Variants in CTNNA2 observed in about 807,000 individuals in gnomAD.
The protein encoded by CTNNA2 is catenin alpha 2.
CTNNA2 carries 42 observed loss-of-function variants against 101.0 expected under a neutral mutation model. The ratio of observed to expected loss-of-function variants is 0.42; its 90% CI spans 0.32 to 0.54. The LOEUF is 0.54. CTNNA2 is among the 20% of genes least tolerant of loss of function. CTNNA2 has a pLI of 0.14. For synonymous variants in CTNNA2, 450 were observed against 456.4 expected (o/e 0.99, Z 0.18); for missense variants, 871 against 1,223.1 (o/e 0.71, Z 4.29).
intron 9 of CTNNA2, among the ~76,000 whole-genome samples, chr2:80,451,279 C>T (rs746738343): frequency 8.5e-5 from 13 of 152,120 alleles, no homozygotes; most frequent in Non-Finnish European, 1.8e-4. Flanking sequence ...TCATGCCATT[C>T]TCATGATAGT....
At chr2:80,047,998 CA>C (rs1294403623) in intron 7 of CTNNA2, among the ~76,000 whole-genome samples, 1 of 152,082 alleles carries the variant, frequency 6.6e-6, no homozygotes, top group Non-Finnish European at 1.5e-5. Flanking sequence ...CCCTATGGCA[CA>C]AAGACATTTC....
chr2:80,526,046 C>A (rs1177698373), intron 9 of CTNNA2, among the ~76,000 whole-genome samples: 1 of 152,172 alleles, frequency 6.6e-6, no homozygotes, highest in African/African-American at 2.4e-5. Context: ...ATAAAAAAAT[C>A]TGTTTAATGT....
chr2:79,950,032 G>A (rs1379595983), intron 7 of CTNNA2, among the ~76,000 whole-genome samples: 1 of 151,924 alleles, frequency 6.6e-6, no homozygotes, highest in East Asian at 1.9e-4. Context: ...AAAAGAAAAT[G>A]TATGCTGCAT....
At chr2:80,236,378 C>T (rs1443252175) in intron 7 of CTNNA2, among the ~76,000 whole-genome samples, 1 of 152,202 alleles carries the variant, frequency 6.6e-6, no homozygotes, top group Non-Finnish European at 1.5e-5. Context: ...CTGTATCTTG[C>T]ACTGAAGTTC....
chr2:80,471,461 A>G (rs1344041387), intron 9 of CTNNA2, among the ~76,000 whole-genome samples: 2 of 152,208 alleles, frequency 1.3e-5, no homozygotes, highest in African/African-American at 4.8e-5. Flanking sequence ...GGAGCCAGTG[A>G]TCCAAAGGTA....
chr2:79,202,189 A>G (rs1220890215), intron 2 of CTNNA2, among the ~76,000 whole-genome samples: 2 of 152,228 alleles, frequency 1.3e-5, no homozygotes, highest in Non-Finnish European at 2.9e-5. Flanking sequence ...ATGACTGAAT[A>G]GAATGGGAAG....
intron 3 of CTNNA2, among the ~76,000 whole-genome samples, chr2:79,353,306 TCTTCTTGACATTGA>T (rs1677433603): frequency 6.6e-6 from 1 of 152,222 alleles, no homozygotes; most frequent in Admixed American, 6.5e-5. Flanking sequence ...TTTTGAGATA[TCTTCTTGACATTGA>T]GTTCTATTTT....
intron 2 of CTNNA2, among the ~76,000 whole-genome samples, chr2:79,303,160 T>A (rs936565368): frequency 6.6e-5 from 10 of 152,046 alleles, no homozygotes; most frequent in Non-Finnish European, 1.0e-4. Context: ...GGTTGGAAAA[T>A]CAACCTTGTC....
At chr2:79,373,623 G>A (rs1265868727) in intron 3 of CTNNA2, among the ~76,000 whole-genome samples, 1 of 151,280 alleles carries the variant, frequency 6.6e-6, no homozygotes, top group Non-Finnish European at 1.5e-5. Context: ...CTGGATGGAG[G>A]GAGAGGAGGG....
At position 79,749,436 on chromosome 2, in the gene CTNNA2, G is replaced by A. The variant is rs144506551; in HGVS notation, c.298+4854G>A. On this transcript the variant is annotated intron_variant, in intron 3 of 18. Transcript: ENST00000402739. ...ATGTTTTAGACTTTGGGAAAGATAG[G>A]ATATCTAGTTTGGTGTGTGTGTTTC... Among the ~76,000 whole-genome samples, 369 of 152,268 alleles carry A rather than the reference G, an allele frequency of 2.4e-3. 2 individuals are homozygous for A. Among genetic ancestry groups the A allele is most frequent in the African/African-American group, 8.5e-3 (355 of 41,540 alleles).
chr2:79,543,399 G>A (rs2104001950), intron 1 of CTNNA2, among the ~76,000 whole-genome samples: 1 of 152,240 alleles, frequency 6.6e-6, no homozygotes, highest in Admixed American at 6.5e-5. Context: ...TTCTTCTTAA[G>A]AAGATTAATA....
intron 3 of CTNNA2, among the ~76,000 whole-genome samples, chr2:79,788,356 A>G (rs1419596719): frequency 6.6e-6 from 1 of 152,086 alleles, no homozygotes; most frequent in Non-Finnish European, 1.5e-5. Context: ...GTGGACTTGG[A>G]AGTGTTTGCA....
At chr2:79,576,181 G>GTGGC (rs527240292) in intron 1 of CTNNA2, among the ~76,000 whole-genome samples, 68 of 152,266 alleles carry the variant, frequency 4.5e-4, no homozygotes, top group African/African-American at 1.4e-3. Flanking sequence ...AAATTTAGTG[G>GTGGC]TGGCAATTTC....
chr2:80,053,057 G>T (rs79720522), intron 7 of CTNNA2, among the ~76,000 whole-genome samples: 1,642 of 152,200 alleles, frequency 0.011, 15 homozygotes, highest in Non-Finnish European at 0.015. Flanking sequence ...GCCTATCAAA[G>T]ATTTTTTAAA....
intron 3 of CTNNA2, among the ~76,000 whole-genome samples, chr2:79,323,319 G>A (rs1270649011): frequency 1.3e-5 from 2 of 152,150 alleles, no homozygotes; most frequent in Non-Finnish European, 2.9e-5. Context: ...ATGTATTAAA[G>A]ATGAGAAAAG....
At chr2:80,462,579 C>G (rs1233910693) in intron 9 of CTNNA2, among the ~76,000 whole-genome samples, 2 of 148,902 alleles carry the variant, frequency 1.3e-5, no homozygotes, top group African/African-American at 5.0e-5. Flanking sequence ...AATTTTCTAT[C>G]TCTCTTATGT....
At chr2:79,642,190 A>G (rs1680492736) in intron 1 of CTNNA2, among the ~76,000 whole-genome samples, 1 of 152,350 alleles carries the variant, frequency 6.6e-6, no homozygotes, top group South Asian at 2.1e-4. Flanking sequence ...AATTATTACA[A>G]TGATATTTTT....
At chr2:80,391,497 T>G (rs542919250) in intron 7 of CTNNA2, among the ~76,000 whole-genome samples, 2 of 152,318 alleles carry the variant, frequency 1.3e-5, no homozygotes, top group East Asian at 1.9e-4. Flanking sequence ...TGAAAGTAAG[T>G]TTTTTTATTC....
chr2:79,325,567 A>T (rs2104413414), intron 3 of CTNNA2, among the ~76,000 whole-genome samples: 1 of 152,326 alleles, frequency 6.6e-6, no homozygotes, highest in South Asian at 2.1e-4. Flanking sequence ...ATCAGGAAAA[A>T]TGTATTGAAT....
Sources: gnomAD v4.1 joint callset for allele counts (sites outside exome capture counted in the v4.1 genomes callset) on GRCh38, gnomAD v4.1.1 for gene constraint, MANE v1.5 for transcripts, NCBI Gene and HGNC (gene_info 2026-07-23, HGNC 2026-07-21) for gene names.